CDK8: variants seen among roughly 807,000 people sequenced by gnomAD.
CDK8 encodes the protein cyclin dependent kinase 8, also known as cyclin-dependent kinase 8.
In CDK8, 29 loss-of-function variants were observed where a neutral mutation model predicts 71.5. The ratio of observed to expected loss-of-function variants is 0.41; its 90% CI spans 0.30 to 0.55. The LOEUF is 0.55. Ranked by LOEUF, CDK8 falls within the 20% of genes least tolerant of loss-of-function variation. CDK8 has a pLI of 0.37. For missense variants in CDK8, 288 were observed against 572.6 expected (o/e 0.50, Z 5.07); for synonymous variants, 161 against 192.1 (o/e 0.84, Z 1.34).
chr13:26,297,706 A>G (rs1330719156), intron 1 of CDK8, among the ~76,000 whole-genome samples: 1 of 152,186 alleles, frequency 6.6e-6, no homozygotes, highest in East Asian at 1.9e-4. Context: ...TACAGGGGTC[A>G]TTTAGGAGGA....
chr13:26,279,397 G>A (rs1593235042), intron 1 of CDK8, among the ~76,000 whole-genome samples: 1 of 151,918 alleles, frequency 6.6e-6, no homozygotes, highest in Non-Finnish European at 1.5e-5. Context: ...TTAACAAAAT[G>A]ATCAATCTTA....
chr13:26,273,146 A>G (rs1340685925), intron 1 of CDK8, among the ~76,000 whole-genome samples: 3 of 152,118 alleles, frequency 2.0e-5, no homozygotes, highest in African/African-American at 4.8e-5. Context: ...TCTTTTGGTG[A>G]TGGATATACA....
At chr13:26,323,344 AGGG>A (rs1565972587) in intron 1 of CDK8, among the ~76,000 whole-genome samples, 1 of 137,190 alleles carries the variant, frequency 7.3e-6, no homozygotes, top group Non-Finnish European at 1.6e-5. Flanking sequence ...AGAGAGGGAG[AGGG>A]AGAGGGAGAG....
chr13:26,348,953 A>G (rs1873577688), intron 2 of CDK8, 119 bp from the exon 3 acceptor site: 1 of 713,300 alleles, frequency 1.4e-6, no homozygotes, highest in Non-Finnish European at 2.5e-6. Flanking sequence ...GTGGGTGCTT[A>G]TTAGATGTTT....
At chr13:26,295,267 C>T (rs1295109668) in intron 1 of CDK8, among the ~76,000 whole-genome samples, 2 of 151,946 alleles carry the variant, frequency 1.3e-5, no homozygotes, top group Admixed American at 6.6e-5. Context: ...TTTGGGATCC[C>T]TTAGACTTTG....
chr13:26,254,593 C>CAGCCCCCCCGCCCCCCCCCCCA lies in CDK8; in HGVS notation c.-49_-48insAGCCCCCCCGCCCCCCCCCCCA. On this transcript the variant is annotated 5_prime_UTR_variant, in exon 1 of 13. It adds an upstream start codon to the 5' untranslated region. Transcript: ENST00000381527. This position sits in a 1 kb window ranked among gnomAD's most constrained non-coding sequence, Gnocchi z 6.7. ...GCCCGTGCTTCCCCGGTCCCCACCC[C>CAGCCCCCCCGCCCCCCCCCCCA]TGCCCCCCGGCCCCCCGACCCAGCT... 1 of 1,244,790 alleles carries CAGCCCCCCCGCCCCCCCCCCCA rather than the reference C, an allele frequency of 8.0e-7. No homozygotes were observed. The highest frequency in any genetic ancestry group is 1.1e-6 in the Non-Finnish European group (1 of 883,478). 77.1% of individuals were successfully genotyped at this position (1,244,790 alleles called of 1,614,324 possible).
At chr13:26,386,744 A>G (rs1875495588) in intron 6 of CDK8, among the ~76,000 whole-genome samples, 1 of 152,126 alleles carries the variant, frequency 6.6e-6, no homozygotes, top group South Asian at 2.1e-4. Context: ...GTACAAAAGA[A>G]TTTTCCTCTC....
rs573773577 is a variant in CDK8 at position 26,378,938 on chromosome 13, A to G, written c.457-3876A>G. On this transcript the variant is annotated intron_variant, in intron 4 of 12. Coordinates refer to ENST00000381527, the MANE Select transcript of CDK8 (RefSeq NM_001260.3). ...TTAAGTACTAAAACAAAAATTATTC[A>G]TCAAGTCTTTTGAAGTCTTCCTTAA... 9.5e-4 allele frequency among the ~76,000 whole-genome samples: 145 copies of G among 152,348 alleles called. 1 individual carries two copies. The highest frequency in any genetic ancestry group is 3.4e-3 in the African/African-American group (141 of 41,594).
intron 1 of CDK8, among the ~76,000 whole-genome samples, chr13:26,306,688 G>T (rs1336466887): frequency 6.7e-6 from 1 of 148,978 alleles, no homozygotes; most frequent in Non-Finnish European, 1.5e-5. Flanking sequence ...GAGTGCAGTG[G>T]CATTATCTCA....
At chr13:26,374,405 A>C (rs1874850023) in intron 4 of CDK8, among the ~76,000 whole-genome samples, 1 of 152,182 alleles carries the variant, frequency 6.6e-6, no homozygotes, top group African/African-American at 2.4e-5. Context: ...AATGTATATA[A>C]GAAAATTAGC....
At chr13:26,380,459 G>T (rs951354514) in intron 4 of CDK8, among the ~76,000 whole-genome samples, 1 of 151,926 alleles carries the variant, frequency 6.6e-6, no homozygotes, top group African/African-American at 2.4e-5. Flanking sequence ...GGGATTACAG[G>T]TATGAGCCCC....
intron 9 of CDK8, among the ~76,000 whole-genome samples, chr13:26,399,334 GTTAGTTCATTGGT>G (rs1196976256): frequency 6.6e-6 from 1 of 152,148 alleles, no homozygotes; most frequent in Admixed American, 6.5e-5. Context: ...TAATGTGTCT[GTTAGTTCATTGGT>G]TTTCAAAATG....
At chr13:26,259,821 C>T (rs1231214989) in intron 1 of CDK8, among the ~76,000 whole-genome samples, 1 of 152,126 alleles carries the variant, frequency 6.6e-6, no homozygotes, top group Non-Finnish European at 1.5e-5. Flanking sequence ...TTCTATGTGC[C>T]AAGCACTGTC....
At chr13:26,388,172 G>A (rs1170045211) in intron 6 of CDK8, among the ~76,000 whole-genome samples, 1 of 152,094 alleles carries the variant, frequency 6.6e-6, no homozygotes. Flanking sequence ...AAATCTTTAT[G>A]TTCTAATCTT....
chr13:26,290,445 T>C (rs1245739211), intron 1 of CDK8, among the ~76,000 whole-genome samples: 3 of 152,184 alleles, frequency 2.0e-5, no homozygotes, highest in Non-Finnish European at 4.4e-5. Flanking sequence ...CTGATTATAG[T>C]ATGCTTTGTA....
intron 1 of CDK8, among the ~76,000 whole-genome samples, chr13:26,265,308 A>G (rs1258375927): frequency 6.6e-6 from 1 of 152,156 alleles, no homozygotes; most frequent in Non-Finnish European, 1.5e-5. Context: ...GCAGGTAAAC[A>G]ATTGTAATAT....
chr13:26,272,461 G>A (rs919544529), intron 1 of CDK8, among the ~76,000 whole-genome samples: 4 of 152,132 alleles, frequency 2.6e-5, no homozygotes, highest in Non-Finnish European at 5.9e-5. Flanking sequence ...TGCAGACATG[G>A]AGCTGTCATC....
chr13:26,310,483 A>C (rs1026123358), intron 1 of CDK8, among the ~76,000 whole-genome samples: 3 of 152,082 alleles, frequency 2.0e-5, no homozygotes, highest in Non-Finnish European at 4.4e-5. Flanking sequence ...AGATGGTTCC[A>C]TCTGGGAGTG....
At chr13:26,329,977 C>T (rs934176114) in intron 1 of CDK8, among the ~76,000 whole-genome samples, 2 of 152,152 alleles carry the variant, frequency 1.3e-5, no homozygotes, top group Non-Finnish European at 2.9e-5. Flanking sequence ...CCTGGGGTGT[C>T]TCATGTAACT....
Sources: gnomAD v4.1 joint callset for allele counts (sites outside exome capture counted in the v4.1 genomes callset) on GRCh38, gnomAD v4.1.1 for gene constraint, Gnocchi (gnomAD v3.1) non-coding constraint, MANE v1.5 for transcripts, NCBI Gene and HGNC (gene_info 2026-07-23, HGNC 2026-07-21) for gene names.